The following JMJD1C variants were observed in gnomAD, a reference collection of about 807,000 sequenced individuals.
The protein encoded by JMJD1C is jumonji domain containing 1C.
In JMJD1C, 31 loss-of-function variants were observed where a neutral mutation model predicts 245.3. The observed-to-expected ratio is 0.13, with a 90% CI of 0.09 to 0.17. JMJD1C has a LOEUF of 0.17. Among genes scored for constraint, JMJD1C ranks in the 10% least tolerant of loss-of-function variants. The probability of loss-of-function intolerance (pLI) is 1.00; values close to 1 mark genes in which losing one functional copy is unlikely to be tolerated. For missense variants in JMJD1C, 2,691 were observed against 3,000.2 expected (o/e 0.90, Z 2.41); for synonymous variants, 1,057 against 1,017.4 (o/e 1.04, Z -0.74).
chr10:63,190,358 C>T (rs549646397), intron 17 of JMJD1C, among the ~76,000 whole-genome samples: 5 of 152,050 alleles, frequency 3.3e-5, no homozygotes, highest in Non-Finnish European at 7.4e-5. Context: ...CACGTGCCAC[C>T]ACACCTGGCT....
chr10:63,314,563 A>T (rs1939679919), intron 2 of JMJD1C, among the ~76,000 whole-genome samples: 1 of 151,920 alleles, frequency 6.6e-6, no homozygotes, highest in Non-Finnish European at 1.5e-5. Context: ...ACACACACAA[A>T]CTATATTTTC....
Position 63,432,746 on chromosome 10 carries a change from A to T in JMJD1C, c.168+32749T>A, listed in dbSNP as rs1950833073. Among the ~76,000 whole-genome samples the T allele has an allele frequency of 2.0e-5, 3 of 152,342 alleles. No individual in the cohort carries two copies. The South Asian group carries it at 6.2e-4, about 32-fold the overall frequency. On this transcript the variant is annotated intron_variant, in intron 1 of 25. Coordinates refer to ENST00000399262, the MANE Select transcript of JMJD1C (RefSeq NM_032776.3). ...TTGAAAAGATCAGATACAAGTTCAT[A>T]ATAAAAACACAGAGACCTAGAACAG...
chr10:63,270,762 C>A (rs946073535), intron 2 of JMJD1C, among the ~76,000 whole-genome samples: 3 of 152,156 alleles, frequency 2.0e-5, no homozygotes, highest in Admixed American at 6.5e-5. Flanking sequence ...GTCACCCTGA[C>A]AGGCCTTATA....
chr10:63,462,246 CTA>C (rs2133095082), intron 1 of JMJD1C, among the ~76,000 whole-genome samples: 1 of 152,224 alleles, frequency 6.6e-6, no homozygotes, highest in South Asian at 2.1e-4. Context: ...AGTTGACAAA[CTA>C]TTTGAAATTA....
intron 1 of JMJD1C, among the ~76,000 whole-genome samples, chr10:63,406,533 C>A (rs187671735): frequency 5.3e-4 from 81 of 151,770 alleles, no homozygotes; most frequent in African/African-American, 1.9e-3. Flanking sequence ...AAGGCTACAC[C>A]AAGAGGTAAT....
chr10:63,405,208 T>C (rs1204934337), intron 1 of JMJD1C, among the ~76,000 whole-genome samples: 3 of 152,206 alleles, frequency 2.0e-5, no homozygotes, highest in Non-Finnish European at 4.4e-5. Context: ...AATATGTTTT[T>C]CAGATGAGAA....
At chr10:63,455,711 A>C (rs1301488211) in intron 1 of JMJD1C, among the ~76,000 whole-genome samples, 1 of 152,184 alleles carries the variant, frequency 6.6e-6, no homozygotes, top group Admixed American at 6.5e-5. Context: ...ATTATTAAAT[A>C]AAACTGATAA....
chr10:63,180,929 C>T (rs1377686846), intron 22 of JMJD1C, among the ~76,000 whole-genome samples: 6 of 152,048 alleles, frequency 3.9e-5, no homozygotes, highest in African/African-American at 9.7e-5. Flanking sequence ...CCACTACGCC[C>T]GGCTAATTTT....
rs549844293 is a variant in JMJD1C at position 63,233,981 on chromosome 10, T to G, written c.448-13998A>C. ...ACAATTTATTCACAGTAATACTAAT[T>G]TCCTTTGTTACAAAGTTTCAACAAA... On this transcript the variant is annotated intron_variant, in intron 3 of 25. Transcript: ENST00000399262. Among the ~76,000 whole-genome samples, 20 of 152,232 alleles carry G rather than the reference T, an allele frequency of 1.3e-4. 1 individual carries two copies. Among genetic ancestry groups the G allele is most frequent in the African/African-American group, 4.1e-4 (17 of 41,546 alleles).
At chr10:63,520,168 T>G (rs1445230953) in intron 1 of JMJD1C, among the ~76,000 whole-genome samples, 2 of 152,220 alleles carry the variant, frequency 1.3e-5, no homozygotes, top group African/African-American at 4.8e-5. Context: ...TTTAGGATAA[T>G]CTGTTGTGTC....
At chr10:63,196,224 C>A (rs1434004782) in intron 13 of JMJD1C, among the ~76,000 whole-genome samples, 1 of 149,166 alleles carries the variant, frequency 6.7e-6, no homozygotes, top group East Asian at 2.0e-4. Flanking sequence ...GCCTGGGCAA[C>A]AAGAGTGAAA....
At chr10:63,449,973 C>T (rs1951940702) in intron 1 of JMJD1C, among the ~76,000 whole-genome samples, 2 of 151,952 alleles carry the variant, frequency 1.3e-5, no homozygotes, top group Non-Finnish European at 2.9e-5. Context: ...ATTAGGCAGG[C>T]ATGGTGGCAC....
intron 3 of JMJD1C, among the ~76,000 whole-genome samples, chr10:63,220,406 T>C (rs1434460818): frequency 6.6e-6 from 1 of 152,224 alleles, no homozygotes. Flanking sequence ...CCCATAATAC[T>C]TAACCTCTAG....
chr10:63,509,958 GTTCT>G (rs1243098653), intron 1 of JMJD1C, among the ~76,000 whole-genome samples: 1 of 149,570 alleles, frequency 6.7e-6, no homozygotes, highest in Non-Finnish European at 1.5e-5. Context: ...GATTTGATGT[GTTCT>G]TTTTCTGTTT....
At chr10:63,260,512 T>C (rs1371932277) in intron 3 of JMJD1C, among the ~76,000 whole-genome samples, 1 of 152,166 alleles carries the variant, frequency 6.6e-6, no homozygotes, top group Non-Finnish European at 1.5e-5. Context: ...CAAAATTTAA[T>C]GGAAAGTTTT....
chr10:63,200,190 T>A (rs1273241881), intron 11 of JMJD1C, among the ~76,000 whole-genome samples: 2 of 152,196 alleles, frequency 1.3e-5, no homozygotes, highest in Non-Finnish European at 2.9e-5. Flanking sequence ...AGTTAGTATA[T>A]AGGTTAACAA....
intron 1 of JMJD1C, among the ~76,000 whole-genome samples, chr10:63,442,338 G>C (rs923924206): frequency 2.6e-5 from 4 of 152,124 alleles, no homozygotes; most frequent in African/African-American, 7.2e-5. Context: ...GCAGTTTAAA[G>C]TATATGACAC....
At chr10:63,447,413 C>A (rs1317402355) in intron 1 of JMJD1C, among the ~76,000 whole-genome samples, 1 of 152,158 alleles carries the variant, frequency 6.6e-6, no homozygotes, top group Non-Finnish European at 1.5e-5. Flanking sequence ...TTAAAAGGTA[C>A]AAAATGTTAA....
intron 2 of JMJD1C, among the ~76,000 whole-genome samples, chr10:63,357,807 CAA>C (rs947563282): frequency 7.7e-5 from 10 of 130,220 alleles, no homozygotes; most frequent in African/African-American, 2.6e-4. Flanking sequence ...TTTAAAATGT[CAA>C]AAGACACAGA....
Sources: allele counts gnomAD v4.1 joint callset (sites outside exome capture counted in the v4.1 genomes callset), GRCh38; gene constraint gnomAD v4.1.1; transcripts MANE v1.5; gene names NCBI Gene and HGNC (gene_info 2026-07-23, HGNC 2026-07-21).